PSMC2: variants seen among roughly 807,000 people sequenced by gnomAD.
PSMC2 encodes the protein proteasome 26S subunit, ATPase 2, also known as 26S proteasome regulatory subunit 7.
Under a neutral mutation model 53.3 loss-of-function variants are expected in PSMC2, and 7 were observed. The ratio of observed to expected loss-of-function variants is 0.13; its 90% CI spans 0.07 to 0.25. The LOEUF (loss-of-function observed/expected upper bound fraction) is 0.25. Ranked by LOEUF, PSMC2 falls within the 10% of genes least tolerant of loss-of-function variation. PSMC2 has a pLI of 1.00. For synonymous variants in PSMC2, 169 were observed against 183.9 expected (o/e 0.92, Z 0.66); for missense variants, 241 against 544.0 (o/e 0.44, Z 5.54).
intron 1 of PSMC2, among the ~76,000 whole-genome samples, chr7:103,351,479 G>T (rs1202267395): frequency 6.6e-6 from 1 of 152,130 alleles, no homozygotes; most frequent in African/African-American, 2.4e-5. Context: ...TTTTATTATG[G>T]GTTGGTAATG....
chr7:103,350,464 A>G (rs1284522908), intron 1 of PSMC2, among the ~76,000 whole-genome samples: 1 of 152,116 alleles, frequency 6.6e-6, no homozygotes, highest in African/African-American at 2.4e-5. Flanking sequence ...AGCTATTACT[A>G]TTCTCCCACA....
At position 103,361,728 on chromosome 7, in the gene PSMC2, A is replaced by G. The variant is rs377536052; in HGVS notation, c.291-229A>G. ...GAAATCAGAGAACTTCTTAATGATG[A>G]GATATTTGGGTTTAATTTTCCAGGA... On this transcript the variant is annotated intron_variant, in intron 4 of 11. Transcript: ENST00000292644. Among the ~76,000 whole-genome samples, 4 of 152,240 alleles carry G rather than the reference A, an allele frequency of 2.6e-5. No individual in the cohort carries two copies. In the East Asian group the frequency reaches 7.7e-4, roughly 29 times the overall value.
At chr7:103,364,396 T>A (rs1461728776) in intron 8 of PSMC2, 89 bp downstream of exon 8, 46 of 1,428,420 alleles carry the variant, frequency 3.2e-5, no homozygotes, top group Non-Finnish European at 4.2e-5. Context: ...CATTGAGGGA[T>A]CCAGACCTGA....
At chr7:103,356,832 A>G (rs934627368) in intron 4 of PSMC2, among the ~76,000 whole-genome samples, 1 of 152,188 alleles carries the variant, frequency 6.6e-6, no homozygotes, top group African/African-American at 2.4e-5. Context: ...TTGCTTAGAA[A>G]AACCTAGCCC....
intron 4 of PSMC2, among the ~76,000 whole-genome samples, chr7:103,359,569 C>G (rs566696271): frequency 6.6e-6 from 1 of 152,292 alleles, no homozygotes; most frequent in Admixed American, 6.5e-5. Flanking sequence ...GACATATCAT[C>G]TAAATGGAAT....
chr7:103,363,262 G>A (rs995241082), intron 6 of PSMC2, 82 bp from the exon 7 acceptor site: 3 of 1,068,020 alleles, frequency 2.8e-6, no homozygotes, highest in Non-Finnish European at 1.4e-6. Flanking sequence ...TTTCTTTTAA[G>A]GTATTAGGTC....
Position 103,364,138 on chromosome 7 carries a change from C to G in PSMC2, c.592-5C>G. The G allele has an allele frequency of 6.2e-7, 1 of 1,612,134 alleles. No homozygotes were observed. Among genetic ancestry groups the G allele is most frequent in the South Asian group, 1.1e-5 (1 of 90,514 alleles). On this transcript the variant is annotated splice_region_variant and splice_polypyrimidine_tract_variant and intron_variant, in intron 7 of 11. Coordinates refer to ENST00000292644, the MANE Select transcript of PSMC2 (RefSeq NM_002803.4). ...GTAAGTGTGAAAATTGTGTCTCTAT[C>G]ACAGCCAGAGAGGTTTGTGAACCTT...
intron 1 of PSMC2, among the ~76,000 whole-genome samples, chr7:103,349,611 A>C (rs1819683997): frequency 6.6e-6 from 1 of 151,676 alleles, no homozygotes; most frequent in Non-Finnish European, 1.5e-5. Context: ...CACCACACCC[A>C]ACTAATTTTT....
At chr7:103,364,954 C>CTTACATAT in intron 8 of PSMC2, among the ~76,000 whole-genome samples, 1 of 38,962 alleles carries the variant, frequency 2.6e-5, no homozygotes. Flanking sequence ...TGTTTGTAGA[C>CTTACATAT]ATACATATAT....
At chr7:103,349,640 G>A (rs1208000667) in intron 1 of PSMC2, among the ~76,000 whole-genome samples, 4 of 152,020 alleles carry the variant, frequency 2.6e-5, no homozygotes, top group African/African-American at 2.4e-5. Flanking sequence ...AGCAGAGACC[G>A]GGTTTCACAA....
rs771671019 is a variant in PSMC2, at chr7:103,362,081, A to G, written c.415A>G (p.Arg139Gly). The G allele has an allele frequency of 1.2e-6, 2 of 1,612,584 alleles. No homozygotes were observed. The highest frequency in any genetic ancestry group is 1.7e-6 in the Non-Finnish European group (2 of 1,179,718). The change falls in exon 5 of 12, where the codon AGA becomes GGA. Residue 139 changes from arginine to glycine, a missense_variant. Arg to Gly is a moderately radical substitution (Grantham distance 125, BLOSUM62 -2). Around this residue, in one of 6 missense-constraint regions of PSMC2, gnomAD observed 75 missense variants for 185.1 expected, o/e 0.41. Coordinates refer to ENST00000292644, the MANE Select transcript of PSMC2 (RefSeq NM_002803.4). Reference sequence around the variant, plus strand: ...ACCTACTGACATTGAAGAAGGGATGAGAGTGGGGTAAGATTTCTATTTACA... The same window carrying G: ...ACCTACTGACATTGAAGAAGGGATGGGAGTGGGGTAAGATTTCTATTTACA... ...VAPTDIEEGM[R>G]VGVDRNKYQI...
Position 103,360,165 on chromosome 7 carries a change from T to C in PSMC2, c.291-1792T>C, listed in dbSNP as rs77509496. On this transcript the variant is annotated intron_variant, in intron 4 of 11. Transcript: ENST00000292644. The stretch of plus-strand genomic sequence containing the variant: ...CTATTGACTGATTTTTTTCCCCTTA[T>C]GTATGAGCCATAATGTCATACATAA... Among the ~76,000 whole-genome samples the C allele has an allele frequency of 7.6e-3, 1,152 of 152,296 alleles. 5 individuals carry two copies. The highest frequency in any genetic ancestry group is 0.026 in the African/African-American group (1,088 of 41,552).
At chr7:103,350,433 G>A (rs900066026) in intron 1 of PSMC2, among the ~76,000 whole-genome samples, 1 of 152,098 alleles carries the variant, frequency 6.6e-6, no homozygotes, top group Non-Finnish European at 1.5e-5. Flanking sequence ...GTCTCATACA[G>A]TGATCATCTC....
At chr7:103,351,343 G>A (rs958191855) in intron 1 of PSMC2, among the ~76,000 whole-genome samples, 1 of 152,220 alleles carries the variant, frequency 6.6e-6, no homozygotes, top group Admixed American at 6.5e-5. Context: ...CCAGGCACAA[G>A]CTTCCAAGGG....
At position 103,355,586 on chromosome 7, in the gene PSMC2, T is replaced by G. The variant is rs1819987781; in HGVS notation, c.191-108T>G. Reference sequence around the variant, plus strand: ...CAGTCTATAATGCACATGATAGTCCTCACAATGAATGATTCAGTGCAAAAT... The same window carrying G: ...CAGTCTATAATGCACATGATAGTCCGCACAATGAATGATTCAGTGCAAAAT... On this transcript the variant is annotated intron_variant, in intron 3 of 11. Transcript: ENST00000292644. 4.9e-6 allele frequency: 4 copies of G among 811,778 alleles called. No homozygotes were observed. The Admixed American group carries it at 6.3e-5, about 13-fold the overall frequency. The allele number at this position is 811,778 out of a possible 1,614,324, so 50.3% of individuals were successfully genotyped here. A position where few individuals can be genotyped will look rare whatever the true frequency, so the allele number is the denominator to read the frequency against.
intron 5 of PSMC2, 172 bp from the exon 6 acceptor site, chr7:103,362,514 A>T (rs1586165442): frequency 1.4e-6 from 2 of 1,416,124 alleles, no homozygotes; most frequent in East Asian, 5.3e-5. Flanking sequence ...GACATTAGAC[A>T]TGTAGTTTAG....
At chr7:103,353,061 A>G (rs1179637581) in intron 1 of PSMC2, 3 of 758,074 alleles carry the variant, frequency 4.0e-6, no homozygotes, top group Middle Eastern at 2.3e-4. Context: ...CAGCTAAGCA[A>G]ATTCAGAAAT....
chr7:103,367,133 A>T lies in PSMC2; in HGVS notation c.845-280A>T, dbSNP rs149675595. Among the ~76,000 whole-genome samples, 8 of 152,336 alleles carry T rather than the reference A, an allele frequency of 5.3e-5. No individual in the cohort carries two copies. In the East Asian group the frequency reaches 1.5e-3, roughly 29 times the overall value. On this transcript the variant is annotated intron_variant, in intron 9 of 11. Coordinates refer to ENST00000292644, the MANE Select transcript of PSMC2 (RefSeq NM_002803.4). This position sits in a 1 kb window ranked among gnomAD's most constrained non-coding sequence, Gnocchi z 6.1. Reference sequence around the variant, plus strand: ...ACTTCATGAGTTTTTGAGAGGTCCAAATTAAGTAATAAATGTGGTAGACTT... The same window carrying T: ...ACTTCATGAGTTTTTGAGAGGTCCATATTAAGTAATAAATGTGGTAGACTT...
intron 1 of PSMC2, among the ~76,000 whole-genome samples, chr7:103,351,099 C>T (rs1394058377): frequency 6.6e-6 from 1 of 152,138 alleles, no homozygotes; most frequent in Non-Finnish European, 1.5e-5. Flanking sequence ...TTTTTAACCT[C>T]AAGCTAGCAT....
Sources: allele counts gnomAD v4.1 joint callset (sites outside exome capture counted in the v4.1 genomes callset), GRCh38; gene constraint gnomAD v4.1.1; regional missense constraint gnomAD v4.1.1; non-coding constraint Gnocchi (gnomAD v3.1); transcripts MANE v1.5; gene names NCBI Gene and HGNC (gene_info 2026-07-23, HGNC 2026-07-21).